RUNDC3B: variants seen among roughly 807,000 people sequenced by gnomAD.
RUNDC3B encodes RUN domain-containing protein 3B.
A neutral mutation model predicts 58.4 loss-of-function variants in RUNDC3B; 33 were observed. That is an observed-to-expected ratio of 0.56 (90% CI 0.43 to 0.75). The LOEUF (loss-of-function observed/expected upper bound fraction) is 0.75. RUNDC3B is among the 30% of genes least tolerant of loss of function. The probability of loss-of-function intolerance (pLI) is 0.00; values close to 1 mark genes in which losing one functional copy is unlikely to be tolerated. For synonymous variants in RUNDC3B, 193 were observed against 195.2 expected (o/e 0.99, Z 0.10); for missense variants, 501 against 535.7 (o/e 0.94, Z 0.64).
intron 8 of RUNDC3B, among the ~76,000 whole-genome samples, chr7:87,792,867 TTGAAA>T (rs1260277458): frequency 1.3e-5 from 2 of 151,640 alleles, no homozygotes; most frequent in Non-Finnish European, 1.5e-5. Context: ...ATAAATGAAA[TTGAAA>T]TGAAATGAAA....
intron 4 of RUNDC3B, among the ~76,000 whole-genome samples, chr7:87,717,945 G>A (rs1830660248): frequency 1.3e-5 from 2 of 152,018 alleles, no homozygotes; most frequent in Admixed American, 6.6e-5. Flanking sequence ...AAAAATATTA[G>A]TAACAATATA....
At chr7:87,717,464 A>G (rs531671800) in intron 4 of RUNDC3B, among the ~76,000 whole-genome samples, 280 of 152,210 alleles carry the variant, frequency 1.8e-3, no homozygotes, top group African/African-American at 6.5e-3. Context: ...AGAGAGACCA[A>G]TTACTAGCTA....
At chr7:87,701,001 A>G (rs1046266624) in intron 3 of RUNDC3B, among the ~76,000 whole-genome samples, 3 of 152,214 alleles carry the variant, frequency 2.0e-5, no homozygotes, top group Non-Finnish European at 2.9e-5. Context: ...AAGAATGACC[A>G]TGATGGTGCG....
intron 2 of RUNDC3B, among the ~76,000 whole-genome samples, chr7:87,664,753 G>C (rs1825061905): frequency 6.6e-6 from 1 of 152,052 alleles, no homozygotes. Flanking sequence ...AAATATATAA[G>C]TTTGTGTCAT....
At chr7:87,679,809 C>A (rs2130580681) in intron 2 of RUNDC3B, among the ~76,000 whole-genome samples, 1 of 150,546 alleles carries the variant, frequency 6.6e-6, no homozygotes, top group East Asian at 2.0e-4. Context: ...GAAACCTTAG[C>A]AAATTTAAAA....
intron 6 of RUNDC3B, among the ~76,000 whole-genome samples, chr7:87,755,018 A>G (rs1402826093): frequency 6.7e-6 from 1 of 148,982 alleles, no homozygotes; most frequent in Non-Finnish European, 1.5e-5. Context: ...GGAATAGCTG[A>G]TACAATTTCT....
chr7:87,701,757 T>C (rs1275566969), intron 3 of RUNDC3B, among the ~76,000 whole-genome samples: 1 of 152,148 alleles, frequency 6.6e-6, no homozygotes, highest in Non-Finnish European at 1.5e-5. Flanking sequence ...CTTCATATAC[T>C]TCAACCAAAA....
chr7:87,672,334 G>A (rs1215176085), intron 2 of RUNDC3B, among the ~76,000 whole-genome samples: 2 of 152,188 alleles, frequency 1.3e-5, no homozygotes, highest in Non-Finnish European at 2.9e-5. Flanking sequence ...ACTCTCCAAA[G>A]CCCAGAGGCT....
At position 87,758,687 on chromosome 7, in the gene RUNDC3B, CAAG is replaced by C. The variant is rs1833510557; in HGVS notation, c.630-11892_630-11890del. ...GCAAAAGATCTAAATGGACATTTCT[CAAG>C]AGGAGACATACAAATGGTTAACAGG... On this transcript the variant is annotated intron_variant, in intron 6 of 10. Coordinates refer to ENST00000394654, the MANE Select transcript of RUNDC3B (RefSeq NM_001134405.2). Among the ~76,000 whole-genome samples, 8 of 152,226 alleles carry C rather than the reference CAAG, an allele frequency of 5.3e-5. No individual in the cohort carries two copies. The South Asian group carries it at 1.7e-3, about 32-fold the overall frequency.
intron 1 of RUNDC3B, among the ~76,000 whole-genome samples, chr7:87,637,678 G>A (rs2130257268): frequency 6.6e-6 from 1 of 151,846 alleles, no homozygotes; most frequent in Admixed American, 6.5e-5. Context: ...TTATATTATG[G>A]TAACTGAAAT....
intron 2 of RUNDC3B, among the ~76,000 whole-genome samples, chr7:87,675,325 A>G (rs1161204496): frequency 6.6e-6 from 1 of 152,212 alleles, no homozygotes; most frequent in Non-Finnish European, 1.5e-5. Flanking sequence ...CAAAATTTTA[A>G]TGACATTTTT....
intron 6 of RUNDC3B, among the ~76,000 whole-genome samples, chr7:87,750,655 T>C (rs1474908091): frequency 6.6e-6 from 1 of 151,202 alleles, no homozygotes; most frequent in African/African-American, 2.4e-5. Flanking sequence ...TTTCATGTGT[T>C]TTTTGGCTGC....
chr7:87,723,879 A>G (rs1278884582), intron 4 of RUNDC3B, among the ~76,000 whole-genome samples: 1 of 152,178 alleles, frequency 6.6e-6, no homozygotes, highest in Non-Finnish European at 1.5e-5. Flanking sequence ...CAAATATGAT[A>G]AAGCGTCTTT....
At chr7:87,726,406 A>T (rs1477525193) in intron 4 of RUNDC3B, among the ~76,000 whole-genome samples, 1 of 152,124 alleles carries the variant, frequency 6.6e-6, no homozygotes, top group East Asian at 1.9e-4. Context: ...GGTTGTAGAT[A>T]TGCGGCATTA....
At chr7:87,800,509 A>G (rs1836085850) in intron 8 of RUNDC3B, among the ~76,000 whole-genome samples, 1 of 152,198 alleles carries the variant, frequency 6.6e-6, no homozygotes, top group Non-Finnish European at 1.5e-5. Flanking sequence ...TCAGGTACCC[A>G]GAAGTGGGAT....
intron 6 of RUNDC3B, among the ~76,000 whole-genome samples, chr7:87,755,758 A>G (rs566229647): frequency 6.6e-6 from 1 of 152,318 alleles, no homozygotes; most frequent in African/African-American, 2.4e-5. Flanking sequence ...ACCTACAGCC[A>G]ACATTATACT....
intron 2 of RUNDC3B, among the ~76,000 whole-genome samples, chr7:87,692,874 G>A (rs1169179416): frequency 6.6e-6 from 1 of 152,176 alleles, no homozygotes; most frequent in Non-Finnish European, 1.5e-5. Context: ...TTTTGGATAT[G>A]TTTTTCCAAA....
intron 2 of RUNDC3B, among the ~76,000 whole-genome samples, chr7:87,670,258 T>G (rs1292972805): frequency 1.3e-5 from 2 of 152,246 alleles, no homozygotes; most frequent in Non-Finnish European, 2.9e-5. Flanking sequence ...GCTTGGTTTC[T>G]TCTGCTGTCA....
intron 6 of RUNDC3B, among the ~76,000 whole-genome samples, chr7:87,742,917 TC>T (rs1421384932): frequency 6.6e-6 from 1 of 151,796 alleles, no homozygotes; most frequent in Non-Finnish European, 1.5e-5. Context: ...ATAGAGACCA[TC>T]CGGGCTAACA....
Sources: gnomAD v4.1 joint callset for allele counts (sites outside exome capture counted in the v4.1 genomes callset) on GRCh38, gnomAD v4.1.1 for gene constraint, MANE v1.5 for transcripts, NCBI Gene and HGNC (gene_info 2026-07-23, HGNC 2026-07-21) for gene names.